FAAP100: variants seen among roughly 807,000 people sequenced by gnomAD.
FAAP100 encodes the protein FA core complex associated protein 100.
FAAP100 carries 46 observed loss-of-function variants against 65.8 expected under a neutral mutation model. That is an observed-to-expected ratio of 0.70 (90% confidence interval 0.55 to 0.89). FAAP100 has a LOEUF of 0.89. Ranked by LOEUF, FAAP100 falls within the 40% of genes least tolerant of loss-of-function variation. The probability of loss-of-function intolerance (pLI) is 0.00; values close to 1 mark genes in which losing one functional copy is unlikely to be tolerated. For synonymous variants in FAAP100, 663 were observed against 555.1 expected, an observed-to-expected ratio of 1.19 and a Z score of -2.73; for missense variants, 1,165 against 1,196.7, an observed-to-expected ratio of 0.97 and a Z score of 0.39.
upstream of FAAP100, chr17:81,552,405 G>GC (rs987489207): frequency 4.9e-5 from 61 of 1,237,510 alleles, no homozygotes; most frequent in African/African-American, 9.0e-4. Flanking sequence ...CTTTACGGCA[G>GC]CCCGCTGTGC....
intron 7 of FAAP100, among the ~76,000 whole-genome samples, chr17:81,542,424 C>T (rs948751942): frequency 1.3e-5 from 2 of 151,972 alleles, no homozygotes; most frequent in Non-Finnish European, 2.9e-5. Flanking sequence ...TGAGCCTGGG[C>T]AGTGAGGCTC....
intron 7 of FAAP100, among the ~76,000 whole-genome samples, chr17:81,543,078 C>T (rs745474585): frequency 7.9e-5 from 12 of 152,052 alleles, no homozygotes; most frequent in Non-Finnish European, 1.8e-4. Flanking sequence ...GGTCCTTGCA[C>T]CAAATGAGAT....
chr17:81,548,762 G>A (rs953468646), intron 4 of FAAP100, among the ~76,000 whole-genome samples: 3 of 151,146 alleles, frequency 2.0e-5, no homozygotes, highest in Non-Finnish European at 2.9e-5. Flanking sequence ...AAGTAGGGTC[G>A]GGCCCGGTGG....
chr17:81,543,858 A>G (rs1476815171), intron 7 of FAAP100, 146 bp downstream of exon 7: 3 of 716,960 alleles, frequency 4.2e-6, no homozygotes. Context: ...ACAACACCGC[A>G]CTCAGCGGCA....
intron 7 of FAAP100, among the ~76,000 whole-genome samples, chr17:81,542,787 C>T (rs1266701585): frequency 6.6e-6 from 1 of 152,354 alleles, no homozygotes; most frequent in Admixed American, 6.5e-5. Flanking sequence ...CCCCACACGA[C>T]TGTGTCCTTG....
In FAAP100 at chr17:81,547,661, T is replaced by C. The variant is rs773473657; in HGVS notation, c.1421A>G (p.Lys474Arg). ...TGCCTTGTTCCGCTGGTCAACCGCC[T>C]TCTTTAGAAAAGACACTCTGCGAAG... The part of the protein sequence containing the change: ...NISERVSFLK[K>R]AVDQRNKALT... Residue 474 changes from lysine to arginine, a missense_variant, in exon 5 of 9, where the codon AAG becomes AGG. Physicochemically the swap from Lys to Arg is conservative, Grantham distance 26. Transcript: ENST00000327787. The C allele has an allele frequency of 1.9e-6, 3 of 1,610,584 alleles. No individual in the cohort carries two copies. The highest frequency in any genetic ancestry group is 1.3e-5 in the African/African-American group (1 of 75,002).
At chr17:81,548,975 G>A (rs2033400432) in intron 4 of FAAP100, among the ~76,000 whole-genome samples, 1 of 146,376 alleles carries the variant, frequency 6.8e-6, no homozygotes, top group African/African-American at 2.6e-5. Context: ...GGGAGGCGGA[G>A]CTTGCAGTGA....
At chr17:81,552,085 A>G (rs2033517901) in intron 1 of FAAP100, 33 bp from the exon 2 acceptor site, 2 of 1,454,838 alleles carry the variant, frequency 1.4e-6, no homozygotes, top group African/African-American at 3.0e-5. Flanking sequence ...GGCCGACGCG[A>G]CGCGCGGGCC....
Position 81,540,079 on chromosome 17 carries a change from C to G in FAAP100, c.*740G>C, listed in dbSNP as rs984533260. ...TGGGGGCTGGGGCTCAGGGCCCCCC[C>G]CCGGGCCACAGCGCCACCCTGAGTG... On this transcript the variant is annotated 3_prime_UTR_variant, in exon 9 of 9. Transcript: ENST00000327787. 9.7e-5 allele frequency: 33 copies of G among 341,954 alleles called. No individual in the cohort carries two copies. The highest frequency in any genetic ancestry group is 6.5e-4 in the Middle Eastern group (1 of 1,538). The allele number at this position is 341,954 out of a possible 1,614,324, so 21.2% of individuals were successfully genotyped here.
Position 81,540,097 on chromosome 17 carries a change from CCT to C in FAAP100, c.*720_*721del, listed in dbSNP as rs2033024938. Reference sequence around the variant, plus strand: ...GCCCCCCCCCGGGCCACAGCGCCACCCTGAGTGGCCCTGAAAATAGTGCACAG... The same window carrying C: ...GCCCCCCCCCGGGCCACAGCGCCACCGAGTGGCCCTGAAAATAGTGCACAG... On this transcript the variant is annotated 3_prime_UTR_variant, in exon 9 of 9. Coordinates refer to ENST00000327787, the MANE Select transcript of FAAP100 (RefSeq NM_025161.6). 3 of 398,460 alleles carry C rather than the reference CCT, an allele frequency of 7.5e-6. No homozygotes were observed. Among genetic ancestry groups the C allele is most frequent in the Middle Eastern group, 6.2e-4 (1 of 1,614 alleles). 24.7% of individuals were successfully genotyped at this position (398,460 alleles called of 1,614,324 possible). A position where few individuals can be genotyped will look rare whatever the true frequency, so the allele number is the denominator to read the frequency against.
At chr17:81,548,744 A>G (rs1354335656) in intron 4 of FAAP100, among the ~76,000 whole-genome samples, 1 of 151,484 alleles carries the variant, frequency 6.6e-6, no homozygotes, top group Non-Finnish European at 1.5e-5. Context: ...CTCTCAAAAA[A>G]AGAGGCCAAG....
In FAAP100 at chr17:81,547,156, C is replaced by G; in HGVS notation, c.1926G>C (p.Leu642=). ...LPEQEGVCLP[L]SRHTVDMLQC... ...GCAGCATGTCCACTGTGTGCCTGCT[C>G]AGGGGCAGGCAAACACCCTCTTGCT... is the stretch of plus-strand genomic sequence containing the variant. The change falls in exon 5 of 9, where the codon CTG becomes CTC. Residue 642 remains leucine (L), a synonymous_variant. Coordinates refer to ENST00000327787, the MANE Select transcript of FAAP100 (RefSeq NM_025161.6). 6.5e-7 allele frequency: 1 copy of G among 1,542,026 alleles called. No individual in the cohort carries two copies. Among genetic ancestry groups the G allele is most frequent in the Non-Finnish European group, 8.8e-7 (1 of 1,142,368 alleles).
At chr17:81,541,011 C>A in intron 8 of FAAP100, 61 bp from the exon 9 acceptor site, 1 of 1,495,754 alleles carries the variant, frequency 6.7e-7, no homozygotes, top group African/African-American at 1.4e-5. Context: ...TCACTGGGTA[C>A]CTCTGGGGGA....
Position 81,547,102 on chromosome 17 carries a change from C to T in FAAP100, c.1980G>A (p.Pro660=), listed in dbSNP as rs748534110. 126 of 1,522,434 alleles carry T rather than the reference C, an allele frequency of 8.3e-5. 1 individual carries two copies. The Admixed American group carries it at 2.5e-3, about 31-fold the overall frequency. The allele number at this position is 1,522,434 out of a possible 1,614,324, so 94.3% of individuals were successfully genotyped here. A position where few individuals can be genotyped will look rare whatever the true frequency, so the allele number is the denominator to read the frequency against. ...LQCLRFPGLA[P]PHTRAPSPLG... Reference sequence around the variant, plus strand: ...GTGGGGAGGGGGCCCGTGTGTGTGGCGGGGCCAGGCCAGGGAAGCGCAGAC... The same window carrying T: ...GTGGGGAGGGGGCCCGTGTGTGTGGTGGGGCCAGGCCAGGGAAGCGCAGAC... The change falls in exon 5 of 9, where the codon CCG becomes CCA. Residue 660 remains proline (P), a synonymous_variant. Coordinates refer to ENST00000327787, the MANE Select transcript of FAAP100 (RefSeq NM_025161.6).
chr17:81,546,999 A>C lies in FAAP100; in HGVS notation c.2083T>G (p.Ser695Ala). 1.3e-6 allele frequency: 2 copies of C among 1,520,984 alleles called. No individual in the cohort carries two copies. Among genetic ancestry groups the C allele is most frequent in the Non-Finnish European group, 1.8e-6 (2 of 1,134,016 alleles). The allele number at this position is 1,520,984 out of a possible 1,614,324, so 94.2% of individuals were successfully genotyped here. Reference protein sequence around the residue: ...EPGSQPAGPASLRAEYLPPSV... With the variant: ...EPGSQPAGPAALRAEYLPPSV... ...GGGGGCAGGTACTCGGCCCGCAGGGAGGCGGGTCCTGCTGGCTGGCTGCCA... is the reference window on the plus strand; with the variant it reads ...GGGGGCAGGTACTCGGCCCGCAGGGCGGCGGGTCCTGCTGGCTGGCTGCCA... The change falls in exon 5 of 9, where the codon TCC becomes GCC. Residue 695 changes from serine to alanine, a missense_variant. Transcript: ENST00000327787.
intron 8 of FAAP100, 121 bp downstream of exon 8, chr17:81,541,188 T>G (rs925715402): frequency 1.6e-6 from 2 of 1,226,804 alleles, no homozygotes; most frequent in Non-Finnish European, 2.3e-6. Flanking sequence ...CCCAGGCCCA[T>G]GGGAGCGAAG....
chr17:81,546,877 A>C, intron 5 of FAAP100, 32 bp downstream of exon 5: 1 of 1,359,398 alleles, frequency 7.4e-7, no homozygotes, highest in Non-Finnish European at 9.5e-7. Context: ...AAAAATCCCC[A>C]AGGCTGAGCA....
chr17:81,549,622 C>T (rs10451313), intron 3 of FAAP100, among the ~76,000 whole-genome samples: 2 of 152,222 alleles, frequency 1.3e-5, no homozygotes, highest in African/African-American at 2.4e-5. Context: ...CTTCAAAGCC[C>T]TTCTCTCCTG....
chr17:81,546,985 C>G lies in FAAP100; in HGVS notation c.2097G>C (p.Glu699Asp). 1 of 1,500,900 alleles carries G rather than the reference C, an allele frequency of 6.7e-7. No individual in the cohort carries two copies. Among genetic ancestry groups the G allele is most frequent in the African/African-American group, 1.4e-5 (1 of 71,432 alleles). The allele number at this position is 1,500,900 out of a possible 1,614,324, so 93.0% of individuals were successfully genotyped here. A position where few individuals can be genotyped will look rare whatever the true frequency, so the allele number is the denominator to read the frequency against. ...QPAGPASLRA[E>D]YLPPSVASIK... ...TGGAAGCCACAGATGGGGGCAGGTACTCGGCCCGCAGGGAGGCGGGTCCTG... is the reference window on the plus strand; with the variant it reads ...TGGAAGCCACAGATGGGGGCAGGTAGTCGGCCCGCAGGGAGGCGGGTCCTG... Residue 699 changes from glutamate to aspartate, a missense_variant, in exon 5 of 9, where the codon GAG becomes GAC. Physicochemically the swap from Glu to Asp is conservative, Grantham distance 45. Transcript: ENST00000327787.
Sources: gnomAD v4.1 joint callset for allele counts (sites outside exome capture counted in the v4.1 genomes callset) on GRCh38, gnomAD v4.1.1 for gene constraint, MANE v1.5 for transcripts, NCBI Gene and HGNC (gene_info 2026-07-23, HGNC 2026-07-21) for gene names.